Variants in SECISBP2L observed in about 807,000 individuals in gnomAD.
SECISBP2L encodes the protein SECIS binding protein 2 like.
Under a neutral mutation model 114.7 loss-of-function variants are expected in SECISBP2L, and 43 were observed. That is an observed-to-expected ratio of 0.38 (90% CI 0.29 to 0.48). The LOEUF is 0.48. SECISBP2L is among the 20% of genes least tolerant of loss of function. SECISBP2L has a pLI of 0.98. For missense variants in SECISBP2L, 1,136 were observed against 1,301.1 expected, an observed-to-expected ratio of 0.87 and a Z score of 1.95; for synonymous variants, 451 against 439.7, an observed-to-expected ratio of 1.03 and a Z score of -0.32.
chr15:49,015,724 A>G (rs1902522734), intron 11 of SECISBP2L, among the ~76,000 whole-genome samples: 1 of 151,942 alleles, frequency 6.6e-6, no homozygotes, highest in South Asian at 2.1e-4. Flanking sequence ...TTTCTCATAT[A>G]CACACACACA....
chr15:49,037,851 A>G, intron 1 of SECISBP2L, 82 bp from the exon 2 acceptor site: 1 of 1,196,410 alleles, frequency 8.4e-7, no homozygotes, highest in South Asian at 1.7e-5. Context: ...CAGAAGAGTC[A>G]GTCCTTATAA....
Position 49,028,534 on chromosome 15 carries a change from A to G in SECISBP2L, c.813T>C (p.Asp271=). The G allele has an allele frequency of 6.2e-7, 1 of 1,614,146 alleles. No individual in the cohort carries two copies. The highest frequency in any genetic ancestry group is 8.5e-7 in the Non-Finnish European group (1 of 1,180,020). The change falls in exon 5 of 18, where the codon GAT becomes GAC. Residue 271 remains aspartate (D), a synonymous_variant. Coordinates refer to ENST00000559471, the MANE Select transcript of SECISBP2L (RefSeq NM_001193489.2). ...QGASEADIDS[D]SGYCSPKHSN... Reference sequence around the variant, plus strand: ...TGTGTTTGGGACTGCAGTAACCACTATCACTGTCAATGTCGGCTTCACTAG... The same window carrying G: ...TGTGTTTGGGACTGCAGTAACCACTGTCACTGTCAATGTCGGCTTCACTAG...
intron 1 of SECISBP2L, among the ~76,000 whole-genome samples, chr15:49,043,227 AT>A (rs953626558): frequency 3.9e-5 from 6 of 152,308 alleles, no homozygotes; most frequent in South Asian, 2.1e-4. Context: ...AATACATTTC[AT>A]TTGGAGTACT....
At chr15:49,014,341 G>A (rs1278051074) in intron 11 of SECISBP2L, among the ~76,000 whole-genome samples, 1 of 152,034 alleles carries the variant, frequency 6.6e-6, no homozygotes, top group Non-Finnish European at 1.5e-5. Flanking sequence ...GGCTTTGTCT[G>A]TGAACATCTT....
intron 2 of SECISBP2L, among the ~76,000 whole-genome samples, 188 bp from the exon 3 acceptor site, chr15:49,035,846 G>A (rs796993011): frequency 5.3e-5 from 8 of 152,280 alleles, no homozygotes; most frequent in African/African-American, 1.9e-4. Context: ...TGTACATGCA[G>A]TAACAATGTA....
At chr15:49,017,118 G>T in intron 9 of SECISBP2L, 103 bp from the exon 10 acceptor site, 4 of 1,117,092 alleles carry the variant, frequency 3.6e-6, no homozygotes, top group Non-Finnish European at 5.1e-6. Flanking sequence ...AACCGGACTA[G>T]ACTCTTCAAA....
At chr15:49,027,614 T>C (rs555470345) in intron 6 of SECISBP2L, 134 bp from the exon 7 acceptor site, 63 of 476,956 alleles carry the variant, frequency 1.3e-4, no homozygotes, top group African/African-American at 1.2e-3. Flanking sequence ...CTTATTATTT[T>C]TTTTTTTTTT....
intron 1 of SECISBP2L, 34 bp downstream of exon 1, chr15:49,046,242 C>A (rs1483012901): frequency 3.8e-6 from 6 of 1,572,408 alleles, no homozygotes; most frequent in Admixed American, 3.6e-5. Context: ...GACCCCAACC[C>A]CCGGCTCGGC....
At chr15:49,031,134 C>T (rs989879410) in intron 4 of SECISBP2L, among the ~76,000 whole-genome samples, 37 of 150,016 alleles carry the variant, frequency 2.5e-4, no homozygotes, top group Non-Finnish European at 4.0e-4. Flanking sequence ...CTGCAACCTC[C>T]GCCTACCAGG....
chr15:49,033,196 C>T (rs1405213168), intron 3 of SECISBP2L, 96 bp from the exon 4 acceptor site: 3 of 1,366,154 alleles, frequency 2.2e-6, no homozygotes, highest in Admixed American at 5.0e-5. Flanking sequence ...TTATAAAATA[C>T]ACATCTTAAG....
rs66527715 is a variant in SECISBP2L, at chr15:49,040,527, CTTTTTTTT to C, written c.25-2766_25-2759del. On this transcript the variant is annotated intron_variant, in intron 1 of 17. Transcript: ENST00000559471. The stretch of plus-strand genomic sequence containing the variant: ...AGGAGTGTTATGATCCCAAACTATT[CTTTTTTTT>C]TTTTTTTTTTTTTTTTTTGAGACGG... Among the ~76,000 whole-genome samples, 33 of 63,190 alleles carry C rather than the reference CTTTTTTTT, an allele frequency of 5.2e-4. 1 individual carries two copies. In the East Asian group the frequency reaches 6.2e-3, roughly 12 times the overall value. 41.5% of individuals were successfully genotyped at this position (63,190 alleles called of 152,430 possible).
Position 49,033,063 on chromosome 15 carries a change from G to A in SECISBP2L, c.566C>T (p.Pro189Leu), listed in dbSNP as rs762754299. 8 of 1,613,412 alleles carry A rather than the reference G, an allele frequency of 5.0e-6. No individual in the cohort carries two copies. The highest frequency in any genetic ancestry group is 1.3e-5 in the African/African-American group (1 of 74,706). Reference protein sequence around the residue: ...LLQQHIKSKRPLVKNVATQKE... With the variant: ...LLQQHIKSKRLLVKNVATQKE... ...CTGAGTAGCTACATTTTTCACCAGCGGCCTTTTGCTTTTTATGTGCTGTTG... is the reference window on the plus strand; with the variant it reads ...CTGAGTAGCTACATTTTTCACCAGCAGCCTTTTGCTTTTTATGTGCTGTTG... Residue 189 changes from proline (P) to leucine (L), a missense_variant, in exon 4 of 18, where the codon CCG becomes CTG. Coordinates refer to ENST00000559471, the MANE Select transcript of SECISBP2L (RefSeq NM_001193489.2).
intron 3 of SECISBP2L, among the ~76,000 whole-genome samples, chr15:49,033,661 C>T (rs563524186): frequency 4.5e-4 from 69 of 152,024 alleles, no homozygotes; most frequent in African/African-American, 1.6e-3. Flanking sequence ...ACACAGAGAC[C>T]CCCAATCGCT....
chr15:48,992,933 G>A lies in SECISBP2L; in HGVS notation c.2624-7C>T. The A allele has an allele frequency of 6.3e-7, 1 of 1,598,602 alleles. No homozygotes were observed. Among genetic ancestry groups the A allele is most frequent in the Non-Finnish European group, 8.5e-7 (1 of 1,171,738 alleles). ...ATGTTTCTCCAATTTGTTTCTACAA[G>A]TATCAAGCAGATTTTTTAAAAACCA... On this transcript the variant is annotated splice_region_variant and splice_polypyrimidine_tract_variant and intron_variant, in intron 17 of 17. Transcript: ENST00000559471.
intron 16 of SECISBP2L, among the ~76,000 whole-genome samples, chr15:48,999,325 T>G (rs1445452931): frequency 1.8e-5 from 1 of 54,872 alleles, no homozygotes; most frequent in Non-Finnish European, 4.1e-5. Flanking sequence ...CATTATCAGC[T>G]CCTATGATAA....
chr15:49,013,526 A>C (rs987731195), intron 11 of SECISBP2L, among the ~76,000 whole-genome samples: 25 of 152,142 alleles, frequency 1.6e-4, no homozygotes, highest in African/African-American at 6.0e-4. Flanking sequence ...CGATCTCTTG[A>C]CCTTGTGATC....
chr15:49,010,667 T>C (rs1902419706), intron 13 of SECISBP2L, among the ~76,000 whole-genome samples: 1 of 152,136 alleles, frequency 6.6e-6, no homozygotes, highest in Admixed American at 6.5e-5. Context: ...TGAGCTACCA[T>C]GCCCAGTTAA....
chr15:49,011,319 T>C (rs1449853478), intron 13 of SECISBP2L, among the ~76,000 whole-genome samples: 1 of 152,194 alleles, frequency 6.6e-6, no homozygotes, highest in South Asian at 2.1e-4. Context: ...TTGTGACATA[T>C]GTATTAATTC....
chr15:49,022,361 A>C (rs1453562907), intron 7 of SECISBP2L, among the ~76,000 whole-genome samples: 1 of 152,188 alleles, frequency 6.6e-6, no homozygotes, highest in Non-Finnish European at 1.5e-5. Flanking sequence ...GCACTTTGGG[A>C]GGCTGAAGCG....
Sources: gnomAD v4.1 joint callset for allele counts (sites outside exome capture counted in the v4.1 genomes callset) on GRCh38, gnomAD v4.1.1 for gene constraint, MANE v1.5 for transcripts, NCBI Gene and HGNC (gene_info 2026-07-23, HGNC 2026-07-21) for gene names.